The following BTBD9 variants were observed in gnomAD, a reference collection of about 807,000 sequenced individuals.
The protein encoded by BTBD9 is BTB domain containing 9.
Under a neutral mutation model 64.3 loss-of-function variants are expected in BTBD9, and 49 were observed. The observed-to-expected ratio is 0.76, with a 90% CI of 0.61 to 0.97. The LOEUF (loss-of-function observed/expected upper bound fraction) is 0.97. BTBD9 is among the 50% of genes least tolerant of loss of function. The pLI, the probability that BTBD9 is intolerant of heterozygous loss-of-function variation, is 0.00. For synonymous variants in BTBD9, 260 were observed against 274.7 expected (o/e 0.95, Z 0.53); for missense variants, 598 against 762.1 (o/e 0.78, Z 2.53).
chr6:38,497,738 A>G (rs529197905), intron 6 of BTBD9, among the ~76,000 whole-genome samples: 1 of 152,354 alleles, frequency 6.6e-6, no homozygotes, highest in East Asian at 1.9e-4. Context: ...ATTGTATGGT[A>G]GAGGATTTCC....
intron 9 of BTBD9, among the ~76,000 whole-genome samples, chr6:38,238,786 T>C (rs745498175): frequency 1.2e-4 from 19 of 152,184 alleles, no homozygotes; most frequent in Non-Finnish European, 2.5e-4. Context: ...ACCAATGTTT[T>C]ATCATGCAGG....
chr6:38,595,773 T>C (rs971939996), intron 2 of BTBD9: 1 of 985,120 alleles, frequency 1.0e-6, no homozygotes, highest in African/African-American at 1.7e-5. Flanking sequence ...AGCATACCTC[T>C]TCACTGGGTT....
chr6:38,541,185 C>T (rs996459508), intron 6 of BTBD9, among the ~76,000 whole-genome samples: 9 of 152,120 alleles, frequency 5.9e-5, no homozygotes, highest in African/African-American at 1.9e-4. Flanking sequence ...GGCCTCCCCT[C>T]ATATAAAAAG....
intron 7 of BTBD9, among the ~76,000 whole-genome samples, chr6:38,316,036 T>C (rs1053685355): frequency 3.3e-5 from 5 of 152,232 alleles, no homozygotes; most frequent in African/African-American, 1.2e-4. Context: ...TCTTACTGAG[T>C]TGACCCCTTT....
rs190779777 is a variant in BTBD9 at position 38,220,345 on chromosome 6, A to G, written c.1563-27748T>C. ...ACTCTTGGCTTTCTTTGAATAAGCTACTGATTCACTTTGGCAGTGAAAAAA... is the reference window on the plus strand; with the variant it reads ...ACTCTTGGCTTTCTTTGAATAAGCTGCTGATTCACTTTGGCAGTGAAAAAA... On this transcript the variant is annotated intron_variant, in intron 9 of 10. Transcript: ENST00000481247. Among the ~76,000 whole-genome samples, 7 of 152,382 alleles carry G rather than the reference A, an allele frequency of 4.6e-5. No individual in the cohort carries two copies. In the East Asian group the frequency reaches 1.3e-3, roughly 29 times the overall value.
chr6:38,589,503 A>G (rs1776699581), intron 4 of BTBD9, among the ~76,000 whole-genome samples: 1 of 152,036 alleles, frequency 6.6e-6, no homozygotes, highest in Non-Finnish European at 1.5e-5. Flanking sequence ...TCATCTTACT[A>G]CCTCTTCACT....
At chr6:38,378,517 G>A (rs143694889) in intron 6 of BTBD9, among the ~76,000 whole-genome samples, 5,016 of 150,066 alleles carry the variant, frequency 0.033, 163 homozygotes, top group East Asian at 0.11. Flanking sequence ...TTACAGGCAT[G>A]AGCCACCGCA....
chr6:38,587,053 G>C (rs1227720996), intron 4 of BTBD9, among the ~76,000 whole-genome samples: 2 of 148,590 alleles, frequency 1.3e-5, no homozygotes, highest in African/African-American at 5.0e-5. Flanking sequence ...ACAAGAGTGA[G>C]ACTCCATCTC....
At chr6:38,266,623 AAAGAAAG>A (rs1764997627) in intron 8 of BTBD9, among the ~76,000 whole-genome samples, 1 of 60,684 alleles carries the variant, frequency 1.6e-5, no homozygotes, top group Non-Finnish European at 3.4e-5. Flanking sequence ...AGAAAGAAAG[AAAGAAAG>A]AAAGAAAGAA....
chr6:38,286,501 T>A (rs543823795), intron 8 of BTBD9, among the ~76,000 whole-genome samples: 34 of 152,272 alleles, frequency 2.2e-4, no homozygotes, highest in Admixed American at 6.5e-4. Context: ...AAGATATACA[T>A]ATACATATAC....
At position 38,240,857 on chromosome 6, in the gene BTBD9, A is replaced by G. The variant is rs565746840; in HGVS notation, c.1562+15552T>C. 1.1e-3 allele frequency among the ~76,000 whole-genome samples: 161 copies of G among 152,292 alleles called. 2 individuals carry two copies. Among genetic ancestry groups the G allele is most frequent in the African/African-American group, 3.7e-3 (155 of 41,566 alleles). ...GGCAATTGAGGCTTTCAATTAGCCT[A>G]CCAGATCCACGCTCAAACGGGCAGA... On this transcript the variant is annotated intron_variant, in intron 9 of 10. Coordinates refer to ENST00000481247, the MANE Select transcript of BTBD9 (RefSeq NM_001099272.2).
At chr6:38,433,057 T>C (rs1768514287) in intron 6 of BTBD9, among the ~76,000 whole-genome samples, 1 of 151,968 alleles carries the variant, frequency 6.6e-6, no homozygotes. Flanking sequence ...GATAGCCCTA[T>C]ATGATCAGGC....
At chr6:38,639,187 A>G (rs1403839561) in intron 1 of BTBD9, among the ~76,000 whole-genome samples, 2 of 152,228 alleles carry the variant, frequency 1.3e-5, no homozygotes, top group African/African-American at 4.8e-5. Flanking sequence ...ATCTGTAACA[A>G]CAATGTACTA....
rs1376229461 is a variant in BTBD9, at chr6:38,168,907, G to A, written c.*6078C>T. ...GTCTCACGCTTCTCCAGGCACTGGG[G>A]GGTGGGGAAGGGTGGCCTCAGGGAC... On this transcript the variant is annotated 3_prime_UTR_variant, in exon 11 of 11. Coordinates refer to ENST00000481247, the MANE Select transcript of BTBD9 (RefSeq NM_001099272.2). 6.6e-6 allele frequency: 1 copy of A among 152,388 alleles called. No individual in the cohort carries two copies. Among genetic ancestry groups the A allele is most frequent in the Non-Finnish European group, 1.5e-5 (1 of 68,162 alleles). 9.4% of individuals were successfully genotyped at this position (152,388 alleles called of 1,614,324 possible).
chr6:38,250,086 C>A (rs1764341504), intron 9 of BTBD9, among the ~76,000 whole-genome samples: 1 of 152,136 alleles, frequency 6.6e-6, no homozygotes, highest in Middle Eastern at 3.2e-3. Flanking sequence ...ATTCCACTAC[C>A]ATCAGGTTTT....
chr6:38,436,535 C>T (rs146777393), intron 6 of BTBD9, among the ~76,000 whole-genome samples: 1,941 of 151,690 alleles, frequency 0.013, 29 homozygotes, highest in South Asian at 0.062. Context: ...GAAACCACGC[C>T]CAGCTAATTT....
chr6:38,311,133 C>T (rs1762812086), intron 7 of BTBD9, among the ~76,000 whole-genome samples: 1 of 151,958 alleles, frequency 6.6e-6, no homozygotes, highest in South Asian at 2.1e-4. Context: ...TTTAAATGTA[C>T]AATTAAATTA....
At chr6:38,315,574 T>A (rs1763002437) in intron 7 of BTBD9, among the ~76,000 whole-genome samples, 1 of 152,318 alleles carries the variant, frequency 6.6e-6, no homozygotes, top group African/African-American at 2.4e-5. Flanking sequence ...GACCCACTGG[T>A]CATTCAGAGG....
chr6:38,449,683 T>C lies in BTBD9; in HGVS notation c.1155-104590A>G, dbSNP rs949154351. On this transcript the variant is annotated intron_variant, in intron 6 of 10. Transcript: ENST00000481247. The stretch of plus-strand genomic sequence containing the variant: ...ACTTTGGGAGGCCAAGGTAGGAGGA[T>C]TGCTTGGGCCCAGGAGTTCGAGACC... Among the ~76,000 whole-genome samples the C allele has an allele frequency of 7.9e-5, 12 of 152,106 alleles. No individual in the cohort carries two copies. In the East Asian group the frequency reaches 1.5e-3, roughly 20 times the overall value.
Sources: gnomAD v4.1 joint callset for allele counts (sites outside exome capture counted in the v4.1 genomes callset) on GRCh38, gnomAD v4.1.1 for gene constraint, MANE v1.5 for transcripts, NCBI Gene and HGNC (gene_info 2026-07-23, HGNC 2026-07-21) for gene names.